The following COA1 variants were observed in gnomAD, a reference collection of about 807,000 sequenced individuals.
The protein encoded by COA1 is cytochrome c oxidase assembly factor 1, also known as cytochrome c oxidase assembly factor 1 homolog.
A neutral mutation model predicts 16.0 loss-of-function variants in COA1; 13 were observed. That is an observed-to-expected ratio of 0.81 (90% CI 0.53 to 1.29). The LOEUF is 1.29. Ranked by LOEUF, COA1 falls within the 50% of genes most tolerant of loss-of-function variation. The pLI, the probability that COA1 is intolerant of heterozygous loss-of-function variation, is 0.00. For synonymous variants in COA1, 65 were observed against 65.7 expected (o/e 0.99, Z 0.05); for missense variants, 179 against 177.0 (o/e 1.01, Z -0.06).
At chr7:43,657,586 GAAC>G (rs2091904306) in intron 1 of COA1, among the ~76,000 whole-genome samples, 1 of 151,994 alleles carries the variant, frequency 6.6e-6, no homozygotes, top group Admixed American at 6.6e-5. Context: ...ACAAAAAAGA[GAAC>G]AAAACAGACA....
chr7:43,724,714 T>C (rs2095578682), intron 1 of COA1, among the ~76,000 whole-genome samples: 1 of 152,340 alleles, frequency 6.6e-6, no homozygotes, highest in South Asian at 2.1e-4. Flanking sequence ...TGTAATACTA[T>C]TCAGTCTTTA....
chr7:43,636,639 T>C (rs2085922470), downstream of COA1, among the ~76,000 whole-genome samples: 1 of 152,236 alleles, frequency 6.6e-6, no homozygotes, highest in South Asian at 2.1e-4. Flanking sequence ...TATGTAATTT[T>C]AGTGTCACTG....
chr7:43,647,705 A>G (rs889933283), intron 2 of COA1, 71 bp from the exon 3 acceptor site: 1 of 1,162,730 alleles, frequency 8.6e-7, no homozygotes, highest in African/African-American at 1.5e-5. Context: ...CCCGGCTTGG[A>G]CCCCTAAAGG....
At position 43,644,799 on chromosome 7, in the gene COA1, C is replaced by CAGAGAGAGAG. The variant is rs10627279; in HGVS notation, c.264+442_264+451dup. Among the ~76,000 whole-genome samples, 145 of 75,162 alleles carry CAGAGAGAGAG rather than the reference C, an allele frequency of 1.9e-3. 1 individual carries two copies. The highest frequency in any genetic ancestry group is 6.8e-3 in the Admixed American group (43 of 6,336). 49.3% of individuals were successfully genotyped at this position (75,162 alleles called of 152,430 possible). A position where few individuals can be genotyped will look rare whatever the true frequency, so the allele number is the denominator to read the frequency against. ...GCAGGCAGGCAGGCAGGCAGAGAGA[C>CAGAGAGAGAG]AGAGAGAGAGAGAGAGAGAGAGAGA... On this transcript the variant is annotated intron_variant, in intron 4 of 5. Coordinates refer to ENST00000223336, the MANE Select transcript of COA1 (RefSeq NM_018224.4).
intron 1 of COA1, among the ~76,000 whole-genome samples, chr7:43,678,280 C>CAA (rs1215670378): frequency 1.3e-5 from 2 of 152,080 alleles, no homozygotes; most frequent in African/African-American, 4.8e-5. Flanking sequence ...TATCCACATG[C>CAA]AAAAGTATGA....
At chr7:43,719,941 T>C (rs545066642) in intron 1 of COA1, among the ~76,000 whole-genome samples, 7 of 152,068 alleles carry the variant, frequency 4.6e-5, no homozygotes, top group African/African-American at 1.4e-4. Flanking sequence ...GAGGGAGGAA[T>C]GTTGTGGGTC....
At chr7:43,655,149 T>C (rs1005192685) in intron 1 of COA1, among the ~76,000 whole-genome samples, 2 of 151,724 alleles carry the variant, frequency 1.3e-5, no homozygotes, top group African/African-American at 4.9e-5. Context: ...AGTGTTTTGT[T>C]ATTTTACTTT....
At chr7:43,635,752 CTTCA>C (rs1371503483), downstream of COA1, among the ~76,000 whole-genome samples, 1 of 152,154 alleles carries the variant, frequency 6.6e-6, no homozygotes, top group Non-Finnish European at 1.5e-5. Flanking sequence ...TTGCATCAAC[CTTCA>C]TAAGGGAGAC....
At position 43,639,616 on chromosome 7, in the gene COA1, C is replaced by T. The variant is rs761977200; in HGVS notation, c.407G>A (p.Ser136Asn). 1.2e-6 allele frequency: 2 copies of T among 1,613,914 alleles called. No homozygotes were observed. Among genetic ancestry groups the T allele is most frequent in the Admixed American group, 3.3e-5 (2 of 59,998 alleles). The stretch of plus-strand genomic sequence containing the variant: ...TTTCACTTCATCACCGTTTTCCCCA[C>T]TGAGCTTGAACACAGGAATCTGCTG... ...DGQQIPVFKLSGENGDEVKKE is the reference protein window; with the variant it reads ...DGQQIPVFKLNGENGDEVKKE Residue 136 changes from serine (S) to asparagine (N), a missense_variant, in exon 6 of 6, where the codon AGT (serine) becomes AAT (asparagine). Ser to Asn is a conservative substitution (Grantham distance 46). Transcript: ENST00000223336.
intron 1 of COA1, among the ~76,000 whole-genome samples, chr7:43,691,377 G>GAGGGAGGAAGGAAGGAAGGAAGGA (rs2094329822): frequency 3.2e-5 from 1 of 30,820 alleles, no homozygotes; most frequent in South Asian, 1.6e-3. Context: ...GGGAGGGAGG[G>GAGGGAGGAAGGAAGGAAGGAAGGA]AGGAAGGAAG....
intron 1 of COA1, among the ~76,000 whole-genome samples, chr7:43,675,081 G>A (rs1304847709): frequency 1.3e-5 from 2 of 152,128 alleles, no homozygotes; most frequent in Non-Finnish European, 2.9e-5. Context: ...TCAGGCTATA[G>A]AATAAATAAG....
At chr7:43,705,005 G>C (rs1243989114) in intron 1 of COA1, among the ~76,000 whole-genome samples, 1 of 152,164 alleles carries the variant, frequency 6.6e-6, no homozygotes, top group Non-Finnish European at 1.5e-5. Flanking sequence ...TGATGCTCCT[G>C]AAAGTTTGAC....
intron 1 of COA1, among the ~76,000 whole-genome samples, chr7:43,707,807 A>C (rs1156906985): frequency 6.6e-6 from 1 of 152,228 alleles, no homozygotes; most frequent in African/African-American, 2.4e-5. Context: ...GAGCTAGTAC[A>C]AATAGTGGTG....
rs186756319 is a variant in COA1, at chr7:43,708,135, C to T, written c.-39+21294G>A. On this transcript the variant is annotated intron_variant, in intron 1 of 5. Coordinates refer to ENST00000223336, the MANE Select transcript of COA1 (RefSeq NM_018224.4). ...AGGAGAATTGCTTGAACCCCGGAGGCGGAGGTTGCGGTGAGCCAAGATCAC... is the reference window on the plus strand; with the variant it reads ...AGGAGAATTGCTTGAACCCCGGAGGTGGAGGTTGCGGTGAGCCAAGATCAC... Among the ~76,000 whole-genome samples, 623 of 152,222 alleles carry T rather than the reference C, an allele frequency of 4.1e-3. 8 individuals carry two copies. The highest frequency in any genetic ancestry group is 0.033 in the Admixed American group (502 of 15,286).
chr7:43,626,796 T>C (rs971124020), intron 6 of COA1: 1 of 152,216 alleles, frequency 6.6e-6, no homozygotes, highest in African/African-American at 2.4e-5. Flanking sequence ...ATTGCTGTAT[T>C]TGTGAGAAAG....
chr7:43,662,611 G>C (rs2092550808), intron 1 of COA1, among the ~76,000 whole-genome samples: 1 of 152,200 alleles, frequency 6.6e-6, no homozygotes, highest in South Asian at 2.1e-4. Context: ...TATCAAGCCA[G>C]ACATTAAAGA....
chr7:43,617,738 T>C (rs1469679614), intron 6 of COA1, among the ~76,000 whole-genome samples: 1 of 152,178 alleles, frequency 6.6e-6, no homozygotes, highest in Admixed American at 6.5e-5. Flanking sequence ...GTAGGTGATA[T>C]TTAAGCCTTG....
intron 6 of COA1, among the ~76,000 whole-genome samples, chr7:43,611,298 T>C (rs1454592583): frequency 2.0e-5 from 3 of 152,246 alleles, no homozygotes; most frequent in Non-Finnish European, 4.4e-5. Flanking sequence ...GTGGAAGTTT[T>C]CTTGTTCTCT....
At position 43,648,546 on chromosome 7, in the gene COA1, G is replaced by C. The variant is rs747714860; in HGVS notation, c.15+54C>G. On this transcript the variant is annotated intron_variant, in intron 2 of 5. Coordinates refer to ENST00000223336, the MANE Select transcript of COA1 (RefSeq NM_018224.4). ...GTGACTTTCTTCTATTGTCTAACTCGAGAATACCCTGGCAGGTTCTAGTGG... is the reference window on the plus strand; with the variant it reads ...GTGACTTTCTTCTATTGTCTAACTCCAGAATACCCTGGCAGGTTCTAGTGG... 5.7e-6 allele frequency: 9 copies of C among 1,592,388 alleles called. No homozygotes were observed. The Admixed American group carries it at 1.3e-4, about 24-fold the overall frequency.
Sources: gnomAD v4.1 joint callset for allele counts (sites outside exome capture counted in the v4.1 genomes callset) on GRCh38, gnomAD v4.1.1 for gene constraint, MANE v1.5 for transcripts, NCBI Gene and HGNC (gene_info 2026-07-23, HGNC 2026-07-21) for gene names.